The following MEI4 variants were observed in gnomAD, a reference collection of about 807,000 sequenced individuals.
MEI4 encodes meiotic double-stranded break formation protein 4, also known as meiosis-specific protein MEI4.
MEI4 carries 27 observed loss-of-function variants against 31.4 expected under a neutral mutation model. The ratio of observed to expected loss-of-function variants is 0.86; its 90% CI spans 0.63 to 1.19. MEI4 has a LOEUF of 1.19. Ranked by LOEUF, MEI4 falls within the 50% of genes most tolerant of loss-of-function variation. The pLI, the probability that MEI4 is intolerant of heterozygous loss-of-function variation, is 0.00. For synonymous variants in MEI4, 122 were observed against 145.4 expected, an observed-to-expected ratio of 0.84 and a Z score of 1.16; for missense variants, 329 against 398.9, an observed-to-expected ratio of 0.82 and a Z score of 1.49.
chr6:77,791,250 T>C (rs1391491686), intron 3 of MEI4, among the ~76,000 whole-genome samples: 1 of 152,166 alleles, frequency 6.6e-6, no homozygotes, highest in African/African-American at 2.4e-5. Flanking sequence ...ATTGCGGCAT[T>C]ATTCACGATA....
rs373644923 is a variant in MEI4, at chr6:77,653,853, C to G, written c.-15+761C>G. Among the ~76,000 whole-genome samples the G allele has an allele frequency of 3.9e-5, 6 of 152,112 alleles. No homozygotes were observed. The East Asian group carries it at 5.8e-4, about 15-fold the overall frequency. On this transcript the variant is annotated intron_variant, in intron 1 of 4. Transcript: ENST00000684080. ...ACATCCCTGTAGGAAGTCAACCCCC[C>G]ATCATATGGTTTGTAACTAAGGAAT...
chr6:77,824,670 C>T (rs533310145), intron 3 of MEI4, among the ~76,000 whole-genome samples: 1 of 150,242 alleles, frequency 6.7e-6, no homozygotes, highest in East Asian at 2.0e-4. Context: ...AAAAAAAGAT[C>T]TAGGTCTGAC....
intron 2 of MEI4, among the ~76,000 whole-genome samples, chr6:77,731,159 G>A (rs1031893750): frequency 5.9e-5 from 9 of 151,492 alleles, no homozygotes; most frequent in Admixed American, 2.0e-4. Flanking sequence ...GGGATGGCTG[G>A]GTCAAATGGT....
chr6:77,901,903 G>A (rs1333053584), intron 4 of MEI4, among the ~76,000 whole-genome samples: 1 of 151,974 alleles, frequency 6.6e-6, no homozygotes, highest in Non-Finnish European at 1.5e-5. Context: ...TGAGATGAGT[G>A]TCTAATTTCA....
chr6:77,775,412 C>G (rs1432800090), intron 3 of MEI4, among the ~76,000 whole-genome samples: 1 of 152,100 alleles, frequency 6.6e-6, no homozygotes, highest in Non-Finnish European at 1.5e-5. Context: ...ATAGCTCCCA[C>G]TTATGAGTGA....
At chr6:77,734,036 C>G (rs1010824015) in intron 2 of MEI4, among the ~76,000 whole-genome samples, 5 of 151,898 alleles carry the variant, frequency 3.3e-5, no homozygotes, top group Non-Finnish European at 7.4e-5. Flanking sequence ...CTGAGGAGAG[C>G]TTTACTTCCA....
chr6:77,919,167 C>A (rs1436317649), intron 4 of MEI4, among the ~76,000 whole-genome samples: 3 of 151,974 alleles, frequency 2.0e-5, no homozygotes, highest in Non-Finnish European at 4.4e-5. Flanking sequence ...ATCTACAGAA[C>A]TCTCCACCCC....
At position 77,805,851 on chromosome 6, in the gene MEI4, GA is replaced by G. The variant is rs58485725; in HGVS notation, c.769-23079del. Among the ~76,000 whole-genome samples, 1,394 of 152,142 alleles carry G rather than the reference GA, an allele frequency of 9.2e-3. 17 individuals carry two copies. The highest frequency in any genetic ancestry group is 0.031 in the African/African-American group (1,290 of 41,542). Reference sequence around the variant, plus strand: ...TCTGTAGCACAAGGACTTACATGAAGATTTTTTTTCTAACAACAAAATTTGT... The same window carrying G: ...TCTGTAGCACAAGGACTTACATGAAGTTTTTTTTCTAACAACAAAATTTGT... On this transcript the variant is annotated intron_variant, in intron 3 of 4. Transcript: ENST00000684080.
chr6:77,736,587 T>G (rs991748935), intron 2 of MEI4, among the ~76,000 whole-genome samples: 4 of 152,078 alleles, frequency 2.6e-5, no homozygotes, highest in Admixed American at 2.6e-4. Flanking sequence ...GCAGAAATCA[T>G]TCGTCTTCTG....
intron 4 of MEI4, among the ~76,000 whole-genome samples, chr6:77,864,410 A>G (rs1490718660): frequency 6.6e-6 from 1 of 151,806 alleles, no homozygotes; most frequent in Non-Finnish European, 1.5e-5. Context: ...TGGAAAACAA[A>G]AAAAGGCAGG....
intron 3 of MEI4, among the ~76,000 whole-genome samples, chr6:77,790,832 C>G (rs929863305): frequency 5.3e-5 from 8 of 151,750 alleles, no homozygotes; most frequent in Non-Finnish European, 4.4e-5. Flanking sequence ...AACAAATTTA[C>G]AAGAAAAAAA....
At chr6:77,668,036 C>A (rs1287340411) in intron 1 of MEI4, among the ~76,000 whole-genome samples, 2 of 150,612 alleles carry the variant, frequency 1.3e-5, no homozygotes, top group Non-Finnish European at 2.9e-5. Flanking sequence ...GTTCAATAAC[C>A]TAGTAGCATC....
At chr6:77,651,166 G>C (rs183532247), upstream of MEI4, among the ~76,000 whole-genome samples, 5 of 152,160 alleles carry the variant, frequency 3.3e-5, no homozygotes, top group Admixed American at 6.5e-5. Context: ...CATGGAGGAG[G>C]TGTCCCTTTA....
At chr6:77,666,067 C>A (rs2926077) in intron 1 of MEI4, among the ~76,000 whole-genome samples, 6,568 of 152,050 alleles carry the variant, frequency 0.043, 481 homozygotes, top group African/African-American at 0.15. Context: ...TTTATTTCAC[C>A]TGGGTGCAGG....
chr6:77,686,875 C>CTTTTTTTTTTTTTTTTTTTTTTTTTTTA, intron 1 of MEI4, among the ~76,000 whole-genome samples: 1 of 132,488 alleles, frequency 7.5e-6, no homozygotes, highest in Non-Finnish European at 1.6e-5. Context: ...GTCTGTGGCT[C>CTTTTTTTTTTTTTTTTTTTTTTTTTTTA]TTTTTTTTTG....
rs377085409 is a variant in MEI4 at position 77,847,476 on chromosome 6, A to G, written c.900+18414A>G. Among the ~76,000 whole-genome samples, 3 of 152,166 alleles carry G rather than the reference A, an allele frequency of 2.0e-5. No individual in the cohort carries two copies. The highest frequency in any genetic ancestry group is 4.4e-5 in the Non-Finnish European group (3 of 68,034). On this transcript the variant is annotated intron_variant, in intron 4 of 4. Transcript: ENST00000684080. This position sits in a 1 kb window ranked among gnomAD's most constrained non-coding sequence, Gnocchi z 4.6. Reference sequence around the variant, plus strand: ...TCACTGAAAAGAAGTCAGCAGAGTCATTTCAGTGTCATGAGAAAATATCAA... The same window carrying G: ...TCACTGAAAAGAAGTCAGCAGAGTCGTTTCAGTGTCATGAGAAAATATCAA...
chr6:77,784,194 C>A (rs1020729324), intron 3 of MEI4, among the ~76,000 whole-genome samples: 1 of 152,086 alleles, frequency 6.6e-6, no homozygotes, highest in Admixed American at 6.6e-5. Flanking sequence ...AACCACTGTG[C>A]TATAGAGGCA....
intron 4 of MEI4, among the ~76,000 whole-genome samples, chr6:77,866,236 T>C (rs1006809770): frequency 1.3e-5 from 2 of 151,810 alleles, no homozygotes; most frequent in Admixed American, 6.6e-5. Flanking sequence ...CCAGGGCAAT[T>C]AGGCAGGAGA....
rs1408209878 is a variant in MEI4, at chr6:77,671,916, C to T, written c.-14-18742C>T. 2.0e-5 allele frequency among the ~76,000 whole-genome samples: 3 copies of T among 152,150 alleles called. No homozygotes were observed. The South Asian group carries it at 6.2e-4, about 31-fold the overall frequency. ...ATGCTACCTGCCTAGATAGAGTTCT[C>T]AGGAAAATCTCATAAATCTGCCTAA... On this transcript the variant is annotated intron_variant, in intron 1 of 4. Transcript: ENST00000684080.
Sources: gnomAD v4.1 joint callset for allele counts (sites outside exome capture counted in the v4.1 genomes callset) on GRCh38, gnomAD v4.1.1 for gene constraint, Gnocchi (gnomAD v3.1) non-coding constraint, MANE v1.5 for transcripts, NCBI Gene and HGNC (gene_info 2026-07-23, HGNC 2026-07-21) for gene names.